PLCB4: variants seen among roughly 807,000 people sequenced by gnomAD.
PLCB4 encodes 1-phosphatidylinositol 4,5-bisphosphate phosphodiesterase beta-4.
In PLCB4, 77 loss-of-function variants were observed where a neutral mutation model predicts 178.8. The observed-to-expected ratio is 0.43, with a 90% CI of 0.36 to 0.52. PLCB4 has a LOEUF of 0.52. Ranked by LOEUF, PLCB4 falls within the 20% of genes least tolerant of loss-of-function variation. The pLI is 0.00. For missense variants in PLCB4, 1,024 were observed against 1,453.4 expected (o/e 0.70, Z 4.80); for synonymous variants, 496 against 490.8 (o/e 1.01, Z -0.14).
chr20:9,395,622 A>G lies in PLCB4; in HGVS notation c.1510+4A>G. 1 of 1,591,192 alleles carries G rather than the reference A, an allele frequency of 6.3e-7. No individual in the cohort carries two copies. Among genetic ancestry groups the G allele is most frequent in the East Asian group, 2.2e-5 (1 of 44,746 alleles). On this transcript the variant is annotated splice_donor_region_variant and intron_variant, in intron 19 of 39. Coordinates refer to ENST00000378473, the MANE Select transcript of PLCB4 (RefSeq NM_001377142.1). ...AATGAAGAGGAGATCGAAAGTGGTGAGCTGTTTGCTTTTATTTTAAGTTAC... is the reference window on the plus strand; with the variant it reads ...AATGAAGAGGAGATCGAAAGTGGTGGGCTGTTTGCTTTTATTTTAAGTTAC...
chr20:9,389,319 G>A (rs1343131267), intron 15 of PLCB4, among the ~76,000 whole-genome samples: 2 of 151,956 alleles, frequency 1.3e-5, no homozygotes, highest in African/African-American at 4.8e-5. Context: ...CCCCGGCCTT[G>A]TAACCAGGCT....
intron 4 of PLCB4, among the ~76,000 whole-genome samples, chr20:9,321,633 TG>T (rs2094959332): frequency 6.6e-6 from 1 of 152,098 alleles, no homozygotes; most frequent in Non-Finnish European, 1.5e-5. Flanking sequence ...TTAGGTTTTT[TG>T]TTTTTTGTTT....
chr20:9,452,679 T>G (rs936357722), intron 32 of PLCB4, among the ~76,000 whole-genome samples: 1 of 152,206 alleles, frequency 6.6e-6, no homozygotes, highest in African/African-American at 2.4e-5. Flanking sequence ...AATGGTTACG[T>G]GAAGCAGATG....
Position 9,342,656 on chromosome 20 carries a change from G to GT in PLCB4, c.369+3633dup, listed in dbSNP as rs869216944. Among the ~76,000 whole-genome samples the GT allele has an allele frequency of 3.5e-3, 441 of 125,784 alleles. 2 individuals carry two copies. The highest frequency in any genetic ancestry group is 0.015 in the South Asian group (62 of 4,072). 82.5% of individuals were successfully genotyped at this position (125,784 alleles called of 152,430 possible). A position where few individuals can be genotyped will look rare whatever the true frequency, so the allele number is the denominator to read the frequency against. ...TGTTGCGTGGCTTTTATGTTTTGGG[G>GT]TTTTTTTTTTTTTTCCCCCTGTACT... On this transcript the variant is annotated intron_variant, in intron 7 of 39. Transcript: ENST00000378473.
At chr20:9,120,784 A>C (rs2091938628) in intron 2 of PLCB4, among the ~76,000 whole-genome samples, 1 of 152,104 alleles carries the variant, frequency 6.6e-6, no homozygotes, top group Non-Finnish European at 1.5e-5. Flanking sequence ...CTAGACCGTC[A>C]GGAGCCTCCT....
intron 3 of PLCB4, among the ~76,000 whole-genome samples, chr20:9,257,883 TC>T (rs1488241843): frequency 2.0e-5 from 3 of 152,220 alleles, no homozygotes; most frequent in Non-Finnish European, 2.9e-5. Flanking sequence ...GTGGACAGAC[TC>T]CTATGAAAAG....
chr20:9,081,579 G>T (rs997598608), intron 1 of PLCB4, among the ~76,000 whole-genome samples: 9 of 151,958 alleles, frequency 5.9e-5, no homozygotes, highest in African/African-American at 1.9e-4. Flanking sequence ...GTCCAGATTG[G>T]GTGCCCTACT....
intron 1 of PLCB4, among the ~76,000 whole-genome samples, chr20:9,076,789 T>G (rs1471719446): frequency 1.3e-5 from 2 of 152,016 alleles, no homozygotes; most frequent in Non-Finnish European, 2.9e-5. Flanking sequence ...AAGATGCTAT[T>G]ATTGGACAAA....
chr20:9,263,677 G>A (rs563876769), intron 3 of PLCB4, among the ~76,000 whole-genome samples: 14 of 152,202 alleles, frequency 9.2e-5, no homozygotes, highest in South Asian at 8.3e-4. Flanking sequence ...AATTTGTTTT[G>A]GCCAAGCTTC....
intron 3 of PLCB4, among the ~76,000 whole-genome samples, chr20:9,280,998 T>C (rs1485825784): frequency 1.3e-5 from 2 of 152,026 alleles, no homozygotes; most frequent in African/African-American, 4.8e-5. Context: ...AAATACTGTT[T>C]TGAAAGTTTC....
At chr20:9,126,523 G>A (rs188127781) in intron 2 of PLCB4, among the ~76,000 whole-genome samples, 1 of 152,214 alleles carries the variant, frequency 6.6e-6, no homozygotes, top group East Asian at 1.9e-4. Flanking sequence ...TCTTTAACAT[G>A]TTACCATGAT....
At chr20:9,193,602 T>C (rs1291492834) in intron 2 of PLCB4, among the ~76,000 whole-genome samples, 1 of 152,196 alleles carries the variant, frequency 6.6e-6, no homozygotes, top group African/African-American at 2.4e-5. Flanking sequence ...GCCACCATTT[T>C]GAATAGATTG....
At chr20:9,169,589 A>T (rs915310461) in intron 2 of PLCB4, among the ~76,000 whole-genome samples, 2 of 138,700 alleles carry the variant, frequency 1.4e-5, no homozygotes, top group East Asian at 2.0e-4. Flanking sequence ...ACTGTCTAAT[A>T]AATAAATAAA....
chr20:9,457,281 G>T (rs780562792), intron 33 of PLCB4, 133 bp from the exon 34 acceptor site: 2 of 648,402 alleles, frequency 3.1e-6, no homozygotes, highest in Non-Finnish European at 5.6e-6. Flanking sequence ...AGAAAGACCA[G>T]TGTTGCCCAA....
intron 2 of PLCB4, among the ~76,000 whole-genome samples, chr20:9,111,987 T>C (rs766742062): frequency 2.0e-4 from 30 of 152,168 alleles, no homozygotes; most frequent in Non-Finnish European, 3.5e-4. Context: ...ACCTAAAATT[T>C]TTCTAAAATT....
At chr20:9,352,692 T>C (rs758082754) in intron 7 of PLCB4, among the ~76,000 whole-genome samples, 4 of 152,236 alleles carry the variant, frequency 2.6e-5, no homozygotes, top group African/African-American at 4.8e-5. Context: ...TTCAATTATC[T>C]CTTTCAAACA....
chr20:9,314,891 G>A (rs371130376), intron 4 of PLCB4, among the ~76,000 whole-genome samples: 38 of 147,758 alleles, frequency 2.6e-4, no homozygotes, highest in South Asian at 8.7e-4. Flanking sequence ...TTTTTTTTGA[G>A]ACGGAATTTC....
At chr20:9,178,275 T>C (rs6086800) in intron 2 of PLCB4, among the ~76,000 whole-genome samples, 36,947 of 152,092 alleles carry the variant, frequency 0.24, 4,843 homozygotes, top group African/African-American at 0.34. Flanking sequence ...GAGCTGAGAT[T>C]GCACCACTGT....
chr20:9,338,668 A>G (rs1304518866), intron 6 of PLCB4, among the ~76,000 whole-genome samples: 1 of 151,910 alleles, frequency 6.6e-6, no homozygotes, highest in Non-Finnish European at 1.5e-5. Flanking sequence ...CAGAGCAGAG[A>G]CTCTGTACCT....
Sources: allele counts gnomAD v4.1 joint callset (sites outside exome capture counted in the v4.1 genomes callset), GRCh38; gene constraint gnomAD v4.1.1; transcripts MANE v1.5; gene names NCBI Gene and HGNC (gene_info 2026-07-23, HGNC 2026-07-21).